PEBP4: variants seen among roughly 807,000 people sequenced by gnomAD.
PEBP4 encodes phosphatidylethanolamine binding protein 4.
PEBP4 carries 22 observed loss-of-function variants against 23.9 expected under a neutral mutation model. That is an observed-to-expected ratio of 0.92 (90% CI 0.66 to 1.31). PEBP4 has a LOEUF of 1.31. Ranked by LOEUF, PEBP4 falls within the 40% of genes most tolerant of loss-of-function variation. The probability of loss-of-function intolerance (pLI) is 0.00; values close to 1 mark genes in which losing one functional copy is unlikely to be tolerated. For missense variants in PEBP4, 324 were observed against 281.7 expected (o/e 1.15, Z -1.07); for synonymous variants, 112 against 99.3 (o/e 1.13, Z -0.76).
chr8:22,801,469 T>C (rs1806379115), intron 4 of PEBP4, among the ~76,000 whole-genome samples: 1 of 152,046 alleles, frequency 6.6e-6, no homozygotes, highest in Non-Finnish European at 1.5e-5. Flanking sequence ...AGGTACCTGT[T>C]CCTGGTGGGA....
chr8:22,737,294 C>CAAA (rs11302571), intron 4 of PEBP4, among the ~76,000 whole-genome samples: 28 of 65,444 alleles, frequency 4.3e-4, no homozygotes, highest in African/African-American at 1.2e-3. Flanking sequence ...GACTCCGTCT[C>CAAA]AAAAAAAAAA....
At chr8:22,743,001 A>G (rs1224135283) in intron 4 of PEBP4, among the ~76,000 whole-genome samples, 1 of 152,112 alleles carries the variant, frequency 6.6e-6, no homozygotes, top group Non-Finnish European at 1.5e-5. Flanking sequence ...GAGGCTGCAT[A>G]GACTCTCTGC....
At chr8:22,761,368 G>A (rs547037709) in intron 4 of PEBP4, among the ~76,000 whole-genome samples, 1 of 151,912 alleles carries the variant, frequency 6.6e-6, no homozygotes, top group African/African-American at 2.4e-5. Flanking sequence ...AAGCATGTGT[G>A]GCTCCTGACA....
At chr8:22,853,576 T>TA (rs1697762748) in intron 3 of PEBP4, among the ~76,000 whole-genome samples, 1 of 152,236 alleles carries the variant, frequency 6.6e-6, no homozygotes, top group African/African-American at 2.4e-5. Context: ...TAGGTAGGAA[T>TA]AGAGGGAACC....
chr8:22,931,145 T>G (rs1279233937), upstream of PEBP4, among the ~76,000 whole-genome samples: 3 of 152,192 alleles, frequency 2.0e-5, no homozygotes, highest in Non-Finnish European at 2.9e-5. Flanking sequence ...CTCTCCCTCC[T>G]AAACCTTTCC....
intron 3 of PEBP4, among the ~76,000 whole-genome samples, chr8:22,862,199 C>T (rs928906420): frequency 4.6e-5 from 7 of 152,162 alleles, no homozygotes; most frequent in Non-Finnish European, 8.8e-5. Context: ...GATCCATCCT[C>T]AATCTTCCCC....
chr8:22,914,266 A>T (rs1809019480), intron 3 of PEBP4, among the ~76,000 whole-genome samples: 1 of 151,980 alleles, frequency 6.6e-6, no homozygotes. Context: ...ACAGGCATCA[A>T]CCACCATAAG....
chr8:22,787,486 C>G (rs1293591971), intron 4 of PEBP4, among the ~76,000 whole-genome samples: 2 of 152,150 alleles, frequency 1.3e-5, no homozygotes, highest in African/African-American at 4.8e-5. Flanking sequence ...GAGTTTTGTC[C>G]CATGGCACCC....
chr8:22,796,528 C>T (rs1172186590), intron 4 of PEBP4, among the ~76,000 whole-genome samples: 1 of 152,164 alleles, frequency 6.6e-6, no homozygotes. Flanking sequence ...TGTGCTGGCT[C>T]TCAGGGAAAG....
intron 4 of PEBP4, among the ~76,000 whole-genome samples, chr8:22,785,407 G>C (rs147210389): frequency 3.9e-4 from 59 of 152,156 alleles, no homozygotes; most frequent in African/African-American, 1.3e-3. Flanking sequence ...ACAGAACCAC[G>C]GCCATTTCGA....
chr8:22,774,320 C>G (rs895251188), intron 4 of PEBP4, among the ~76,000 whole-genome samples: 2 of 152,208 alleles, frequency 1.3e-5, no homozygotes, highest in Non-Finnish European at 2.9e-5. Flanking sequence ...ATGTTAAGGA[C>G]TCAATGAGTT....
At chr8:22,839,534 G>T in intron 3 of PEBP4, among the ~76,000 whole-genome samples, 1 of 152,192 alleles carries the variant, frequency 6.6e-6, no homozygotes, top group South Asian at 2.1e-4. Context: ...GCTGTTAGGA[G>T]AATGAATGGG....
chr8:22,911,967 G>A (rs956792736), intron 3 of PEBP4, among the ~76,000 whole-genome samples: 4 of 152,122 alleles, frequency 2.6e-5, no homozygotes, highest in East Asian at 3.8e-4. Flanking sequence ...CGGCCCAATC[G>A]CTGAGCGTGC....
chr8:22,879,748 CTG>C (rs765394488), intron 3 of PEBP4, among the ~76,000 whole-genome samples: 3 of 152,314 alleles, frequency 2.0e-5, no homozygotes, highest in South Asian at 2.1e-4. Flanking sequence ...GAAAATAAAA[CTG>C]TGTAATTCAA....
intron 3 of PEBP4, among the ~76,000 whole-genome samples, chr8:22,880,096 G>A (rs1808213913): frequency 6.6e-6 from 1 of 152,224 alleles, no homozygotes; most frequent in Admixed American, 6.5e-5. Flanking sequence ...TGAGCAAGGG[G>A]ATGGGGAGGA....
chr8:22,922,396 C>A (rs1020458800), intron 2 of PEBP4, among the ~76,000 whole-genome samples: 1 of 114,480 alleles, frequency 8.7e-6, no homozygotes, highest in Non-Finnish European at 2.0e-5. Context: ...TGAGCTGAAT[C>A]AAAAATTAAA....
chr8:22,721,989 G>C (rs147591385), intron 6 of PEBP4, among the ~76,000 whole-genome samples: 2 of 152,092 alleles, frequency 1.3e-5, no homozygotes, highest in Non-Finnish European at 2.9e-5. Context: ...CGACCCCTCT[G>C]GTGGTGTCCT....
chr8:22,729,642 G>A (rs1028820597), intron 4 of PEBP4, among the ~76,000 whole-genome samples: 23 of 152,346 alleles, frequency 1.5e-4, no homozygotes, highest in Admixed American at 9.8e-4. Context: ...TGGGTTTGCT[G>A]AGGCAAGCCA....
At chr8:22,927,759 C>CA (rs1409489153) in intron 1 of PEBP4, 39 bp from the exon 2 acceptor site, 7 of 1,610,998 alleles carry the variant, frequency 4.3e-6, no homozygotes, top group Non-Finnish European at 8.5e-7. Context: ...GGATCCCCTG[C>CA]AGGGGCCTTC....
Sources: allele counts gnomAD v4.1 joint callset (sites outside exome capture counted in the v4.1 genomes callset), GRCh38; gene constraint gnomAD v4.1.1; transcripts MANE v1.5; gene names NCBI Gene and HGNC (gene_info 2026-07-23, HGNC 2026-07-21).